Variants in ANXA10 observed in about 807,000 individuals in gnomAD.
ANXA10 encodes annexin A10.
ANXA10 carries 49 observed loss-of-function variants against 53.5 expected under a neutral mutation model. The observed-to-expected ratio is 0.92, with a 90% CI of 0.73 to 1.16. The LOEUF is 1.16. Among genes scored for constraint, ANXA10 ranks in the 50% most tolerant of loss-of-function variants. The pLI is 0.00. For missense variants in ANXA10, 393 were observed against 394.4 expected, an observed-to-expected ratio of 1.00 and a Z score of 0.03; for synonymous variants, 131 against 128.9, an observed-to-expected ratio of 1.02 and a Z score of -0.11.
chr4:168,126,083 T>G (rs113524646), intron 1 of ANXA10, among the ~76,000 whole-genome samples: 5,484 of 151,106 alleles, frequency 0.036, 123 homozygotes, highest in Non-Finnish European at 0.05. Flanking sequence ...AAATGTACAT[T>G]TTTTTCAAAA....
chr4:168,102,351 A>AG (rs1379929271), intron 1 of ANXA10, among the ~76,000 whole-genome samples: 1 of 152,066 alleles, frequency 6.6e-6, no homozygotes, highest in Admixed American at 6.6e-5. Flanking sequence ...ATTTCCTTAT[A>AG]GAAGACTTCC....
At chr4:168,100,878 A>C (rs1169195433) in intron 1 of ANXA10, among the ~76,000 whole-genome samples, 1 of 152,104 alleles carries the variant, frequency 6.6e-6, no homozygotes, top group African/African-American at 2.4e-5. Flanking sequence ...TTATATAACC[A>C]TATTGAAATT....
chr4:168,179,924 G>A (rs892533008), intron 9 of ANXA10, among the ~76,000 whole-genome samples: 4 of 152,188 alleles, frequency 2.6e-5, no homozygotes, highest in Admixed American at 1.3e-4. Flanking sequence ...AACTACCTTT[G>A]TCTTGTACTG....
chr4:168,134,657 G>T (rs1031400842), intron 2 of ANXA10, among the ~76,000 whole-genome samples: 1 of 152,026 alleles, frequency 6.6e-6, no homozygotes, highest in Non-Finnish European at 1.5e-5. Context: ...CTGCCTTTTA[G>T]TTCAGGGTCT....
chr4:168,165,009 A>G (rs2319693), intron 5 of ANXA10, among the ~76,000 whole-genome samples: 89,357 of 151,958 alleles, frequency 0.59, 27,174 homozygotes, highest in African/African-American at 0.71. Context: ...ATGTGAAATG[A>G]CTCTCAATCC....
Position 168,158,522 on chromosome 4 carries a change from G to T in ANXA10, c.196-4006G>T, listed in dbSNP as rs138617133. On this transcript the variant is annotated intron_variant, in intron 3 of 11. Coordinates refer to ENST00000359299, the MANE Select transcript of ANXA10 (RefSeq NM_007193.5). ...CACCAAGTGGCAAAGATTTGTTCTG[G>T]TACTTTCTTCTAGAAGATTTAGTTT... Among the ~76,000 whole-genome samples, 465 of 152,146 alleles carry T rather than the reference G, an allele frequency of 3.1e-3. 2 individuals carry two copies. Among genetic ancestry groups the T allele is most frequent in the Middle Eastern group, 0.01 (3 of 294 alleles).
At chr4:168,159,738 C>T (rs2149476765) in intron 3 of ANXA10, among the ~76,000 whole-genome samples, 1 of 152,262 alleles carries the variant, frequency 6.6e-6, no homozygotes, top group Admixed American at 6.5e-5. Context: ...AACTCTTACA[C>T]TTCCAATATT....
intron 3 of ANXA10, among the ~76,000 whole-genome samples, chr4:168,151,964 C>T (rs1390662418): frequency 6.6e-6 from 1 of 152,198 alleles, no homozygotes; most frequent in Non-Finnish European, 1.5e-5. Context: ...AAGTAGTCCT[C>T]ATTCACTCTT....
At chr4:168,155,166 C>T (rs1021155007) in intron 3 of ANXA10, among the ~76,000 whole-genome samples, 3 of 151,088 alleles carry the variant, frequency 2.0e-5, no homozygotes, top group Non-Finnish European at 4.4e-5. Context: ...TCAAATCCCA[C>T]TTTATCTTTC....
At chr4:168,117,408 G>C (rs923725002) in intron 1 of ANXA10, among the ~76,000 whole-genome samples, 1 of 152,262 alleles carries the variant, frequency 6.6e-6, no homozygotes, top group Middle Eastern at 3.4e-3. Context: ...TGCTGTATTT[G>C]TCTAATTTTT....
chr4:168,129,369 C>T (rs1033161967), intron 2 of ANXA10, among the ~76,000 whole-genome samples: 1 of 152,126 alleles, frequency 6.6e-6, no homozygotes, highest in African/African-American at 2.4e-5. Flanking sequence ...TTGAGGAGTG[C>T]AATTTTTGCT....
intron 1 of ANXA10, among the ~76,000 whole-genome samples, chr4:168,114,240 TCTG>T: frequency 6.6e-6 from 1 of 152,144 alleles, no homozygotes; most frequent in Non-Finnish European, 1.5e-5. Context: ...CTTTCATTGC[TCTG>T]CTATCTTCCA....
chr4:168,164,399 A>G (rs995760866), intron 5 of ANXA10, 111 bp downstream of exon 5: 4 of 828,658 alleles, frequency 4.8e-6, no homozygotes, highest in Non-Finnish European at 7.5e-6. Context: ...TCTTACATTT[A>G]ACATAGGATT....
At chr4:168,159,369 A>G (rs908989156) in intron 3 of ANXA10, among the ~76,000 whole-genome samples, 8 of 152,128 alleles carry the variant, frequency 5.3e-5, no homozygotes, top group African/African-American at 1.7e-4. Context: ...TGAAGTTTTT[A>G]TTTTAATTTT....
At chr4:168,182,866 C>A (rs753182873) in intron 10 of ANXA10, among the ~76,000 whole-genome samples, 7 of 150,058 alleles carry the variant, frequency 4.7e-5, no homozygotes, top group Non-Finnish European at 8.9e-5. Context: ...AAAAATTAGC[C>A]GGGCGTGGTT....
At chr4:168,184,824 A>G in intron 11 of ANXA10, 143 bp downstream of exon 11, 1 of 1,128,884 alleles carries the variant, frequency 8.9e-7, no homozygotes, top group Non-Finnish European at 1.3e-6. Context: ...TTTCCTCTAC[A>G]CAGTCTTTAG....
In ANXA10 at chr4:168,128,012, C is replaced by T. The variant is rs148749306; in HGVS notation, c.19-72C>T. On this transcript the variant is annotated intron_variant, in intron 1 of 11. Coordinates refer to ENST00000359299, the MANE Select transcript of ANXA10 (RefSeq NM_007193.5). ...GTGCAGAGATTACAGGTATGAGCCA[C>T]TGTGCCCGGCCACAATGTTGAAACA... 3.3e-3 allele frequency: 4,657 copies of T among 1,392,208 alleles called. 11 individuals carry two copies. The highest frequency in any genetic ancestry group is 4.3e-3 in the Non-Finnish European group (4,196 of 982,268). 86.2% of individuals were successfully genotyped at this position (1,392,208 alleles called of 1,614,324 possible). A position where few individuals can be genotyped will look rare whatever the true frequency, so the allele number is the denominator to read the frequency against.
chr4:168,159,224 T>G (rs767817104), intron 3 of ANXA10, among the ~76,000 whole-genome samples: 2 of 152,200 alleles, frequency 1.3e-5, no homozygotes, highest in African/African-American at 2.4e-5. Context: ...CAAACCAACC[T>G]TGCATTCCTG....
At chr4:168,185,797 C>T (rs1732358661) in intron 11 of ANXA10, among the ~76,000 whole-genome samples, 1 of 152,192 alleles carries the variant, frequency 6.6e-6, no homozygotes, top group Non-Finnish European at 1.5e-5. Flanking sequence ...TTGTTTTCAT[C>T]TGAAATTTGT....
Sources: gnomAD v4.1 joint callset for allele counts (sites outside exome capture counted in the v4.1 genomes callset) on GRCh38, gnomAD v4.1.1 for gene constraint, MANE v1.5 for transcripts, NCBI Gene and HGNC (gene_info 2026-07-23, HGNC 2026-07-21) for gene names.